Variants in RNF6 observed in about 807,000 individuals in gnomAD.
RNF6 encodes the protein E3 ubiquitin-protein ligase RNF6.
RNF6 carries 21 observed loss-of-function variants against 50.1 expected under a neutral mutation model. That is an observed-to-expected ratio of 0.42 (90% CI 0.30 to 0.60). The LOEUF is 0.60. Ranked by LOEUF, RNF6 falls within the 20% of genes least tolerant of loss-of-function variation. RNF6 has a pLI of 0.20. For synonymous variants in RNF6, 255 were observed against 291.8 expected (o/e 0.87, Z 1.29); for missense variants, 698 against 838.2 (o/e 0.83, Z 2.07).
intron 5 of RNF6, among the ~76,000 whole-genome samples, chr13:26,148,574 C>T (rs1450351580): frequency 7.8e-6 from 1 of 128,954 alleles, no homozygotes; most frequent in Non-Finnish European, 1.6e-5. Context: ...ACTCTTGGTA[C>T]CAAAATCTGT....
intron 5 of RNF6, among the ~76,000 whole-genome samples, chr13:26,135,287 G>C (rs146481922): frequency 6.6e-6 from 1 of 152,140 alleles, no homozygotes; most frequent in East Asian, 1.9e-4. Flanking sequence ...ATGTTTAAGG[G>C]TTCATTATCT....
downstream of RNF6, among the ~76,000 whole-genome samples, chr13:26,212,134 C>T (rs980656893): frequency 1.6e-4 from 25 of 152,302 alleles, no homozygotes; most frequent in African/African-American, 6.0e-4. Context: ...TCTCTCCATT[C>T]CATTGTGTTC....
At chr13:26,187,552 C>T (rs181133623) in intron 5 of RNF6, among the ~76,000 whole-genome samples, 1 of 152,170 alleles carries the variant, frequency 6.6e-6, no homozygotes, top group Non-Finnish European at 1.5e-5. Context: ...GCGGTCCCCT[C>T]CCCAGGGATT....
At chr13:26,152,293 C>T (rs1871653595) in intron 5 of RNF6, among the ~76,000 whole-genome samples, 1 of 152,176 alleles carries the variant, frequency 6.6e-6, no homozygotes, top group East Asian at 1.9e-4. Context: ...TAGTTCTCTC[C>T]AAAAAGACGC....
At chr13:26,198,481 A>G (rs1868765014) in intron 5 of RNF6, among the ~76,000 whole-genome samples, 1 of 151,910 alleles carries the variant, frequency 6.6e-6, no homozygotes, top group South Asian at 2.1e-4. Context: ...GCTGGGCACT[A>G]TGGCCCAGCC....
chr13:26,197,700 C>A (rs1868726241), intron 5 of RNF6, among the ~76,000 whole-genome samples: 1 of 151,876 alleles, frequency 6.6e-6, no homozygotes, highest in African/African-American at 2.4e-5. Context: ...GATCCATTTT[C>A]ACTTGTTTAA....
At chr13:26,212,583 A>G (rs529682160), downstream of RNF6, among the ~76,000 whole-genome samples, 1 of 152,142 alleles carries the variant, frequency 6.6e-6, no homozygotes, top group East Asian at 1.9e-4. Flanking sequence ...GAAAGTAAGA[A>G]TAATAATTCA....
chr13:26,161,622 G>C (rs1872218617), intron 5 of RNF6, among the ~76,000 whole-genome samples: 1 of 152,154 alleles, frequency 6.6e-6, no homozygotes, highest in Non-Finnish European at 1.5e-5. Flanking sequence ...GTTGTTGTTA[G>C]TATACGGCAA....
chr13:26,169,762 C>T (rs953103529), intron 5 of RNF6, among the ~76,000 whole-genome samples: 2 of 152,096 alleles, frequency 1.3e-5, no homozygotes, highest in African/African-American at 2.4e-5. Flanking sequence ...AAATTACCTC[C>T]TGTCATGAAG....
chr13:26,156,651 A>G (rs1275052134), intron 5 of RNF6, among the ~76,000 whole-genome samples: 1 of 152,234 alleles, frequency 6.6e-6, no homozygotes, highest in Non-Finnish European at 1.5e-5. Context: ...AAATAACTCA[A>G]TCTATGTTTC....
At chr13:26,194,397 C>A (rs1868577544) in intron 5 of RNF6, among the ~76,000 whole-genome samples, 1 of 152,138 alleles carries the variant, frequency 6.6e-6, no homozygotes, top group South Asian at 2.1e-4. Context: ...CTGAAGAACA[C>A]TTGTGAAGTT....
At chr13:26,179,589 A>G (rs1055169287) in intron 5 of RNF6, among the ~76,000 whole-genome samples, 1 of 152,166 alleles carries the variant, frequency 6.6e-6, no homozygotes, top group Middle Eastern at 3.2e-3. Context: ...TTCTCAGCAC[A>G]TTCTATTCTT....
chr13:26,183,513 A>G (rs1873338364), intron 5 of RNF6, among the ~76,000 whole-genome samples: 1 of 152,212 alleles, frequency 6.6e-6, no homozygotes, highest in Non-Finnish European at 1.5e-5. Flanking sequence ...GATGGGGATC[A>G]GGACTCTAAT....
downstream of RNF6, among the ~76,000 whole-genome samples, chr13:26,212,231 ATAAGG>A (rs1869356175): frequency 6.6e-6 from 1 of 152,216 alleles, no homozygotes; most frequent in African/African-American, 2.4e-5. Flanking sequence ...TAACATCTCT[ATAAGG>A]TAAGATAAAA....
chr13:26,187,087 A>T (rs1363067384), intron 5 of RNF6, among the ~76,000 whole-genome samples: 1 of 143,542 alleles, frequency 7.0e-6, no homozygotes, highest in Admixed American at 6.9e-5. Context: ...AGCGTCAGGG[A>T]CCTTTCTAGA....
At chr13:26,148,833 A>G (rs1428052722) in intron 5 of RNF6, among the ~76,000 whole-genome samples, 1 of 151,368 alleles carries the variant, frequency 6.6e-6, no homozygotes, top group Non-Finnish European at 1.5e-5. Flanking sequence ...ATGTAATTCC[A>G]GTCCAAAGGC....
chr13:26,193,288 A>C (rs1447966202), intron 5 of RNF6, among the ~76,000 whole-genome samples: 2 of 152,182 alleles, frequency 1.3e-5, no homozygotes, highest in African/African-American at 4.8e-5. Context: ...GCCTGGAAAA[A>C]TTCATCATTA....
chr13:26,178,710 A>C (rs908305591), intron 5 of RNF6, among the ~76,000 whole-genome samples: 4 of 151,486 alleles, frequency 2.6e-5, no homozygotes, highest in African/African-American at 9.7e-5. Flanking sequence ...AACTACAGTC[A>C]TCAGATGTAT....
In RNF6 at chr13:26,135,830, T is replaced by C. The variant is rs139900676; in HGVS notation, n.769-3379A>G. On this transcript the variant is annotated intron_variant and non_coding_transcript_variant, in intron 5 of 5. Coordinates refer to the RNF6 transcript ENST00000468480. ...CTTATAGTGATGAGTGAGTTTTCAC[T>C]CTATAATTTCGTTGCAAGATCTGGT... 1.9e-3 allele frequency among the ~76,000 whole-genome samples: 287 copies of C among 152,216 alleles called. 1 individual carries two copies. The highest frequency in any genetic ancestry group is 6.5e-3 in the African/African-American group (270 of 41,528).
Sources: gnomAD v4.1 joint callset for allele counts (sites outside exome capture counted in the v4.1 genomes callset) on GRCh38, gnomAD v4.1.1 for gene constraint, MANE v1.5 for transcripts, NCBI Gene and HGNC (gene_info 2026-07-23, HGNC 2026-07-21) for gene names.